The following SYNE2 variants were observed in gnomAD, a reference collection of about 807,000 sequenced individuals.
The protein encoded by SYNE2 is spectrin repeat containing nuclear envelope protein 2.
In SYNE2, 431 loss-of-function variants were observed where a neutral mutation model predicts 856.3. The ratio of observed to expected loss-of-function variants is 0.50; its 90% CI spans 0.47 to 0.55. The LOEUF (loss-of-function observed/expected upper bound fraction) is 0.55, where lower values mean the gene tolerates loss of function less well. Among genes scored for constraint, SYNE2 ranks in the 20% least tolerant of loss-of-function variants. The pLI is 0.00. For synonymous variants in SYNE2, 2,923 were observed against 2,872.3 expected (o/e 1.02, Z -0.56); for missense variants, 8,129 against 8,023.2 (o/e 1.01, Z -0.50).
chr14:64,012,874 T>C (rs2096857604), intron 32 of SYNE2, among the ~76,000 whole-genome samples: 1 of 152,266 alleles, frequency 6.6e-6, no homozygotes, highest in African/African-American at 2.4e-5. Flanking sequence ...TCCATTTCTG[T>C]AGCATGGATC....
At chr14:64,124,774 AG>A (rs1321273359) in intron 70 of SYNE2, among the ~76,000 whole-genome samples, 9 of 152,124 alleles carry the variant, frequency 5.9e-5, no homozygotes, top group African/African-American at 2.2e-4. Flanking sequence ...AGGCTGAGGC[AG>A]GTGGATCACC....
At chr14:63,791,348 C>T (rs1390540853) in intron 1 of SYNE2, among the ~76,000 whole-genome samples, 1 of 152,136 alleles carries the variant, frequency 6.6e-6, no homozygotes, top group Non-Finnish European at 1.5e-5. Context: ...GCAAATGTAA[C>T]AACATTTCCT....
Position 64,214,431 on chromosome 14 carries a change from G to A in SYNE2, c.19294G>A (p.Glu6432Lys), listed in dbSNP as rs776342676. Residue 6432 changes from glutamate (E) to lysine (K), a missense_variant, in exon 106 of 116, where the codon GAA (glutamate) becomes AAA (lysine). Transcript: ENST00000555002. ...TGDVGGSSSHEEDEEGPYYSA... is the reference protein window; with the variant it reads ...TGDVGGSSSHKEDEEGPYYSA... ...CGACGTGGGGGGCTCCTCCTCTCAC[G>A]AAGAGGACGAGGAGGGCCCATACTA... 41 of 1,613,858 alleles carry A rather than the reference G, an allele frequency of 2.5e-5. No individual in the cohort carries two copies. Among genetic ancestry groups the A allele is most frequent in the South Asian group, 5.5e-5 (5 of 91,090 alleles).
chr14:63,997,323 A>C lies in SYNE2; in HGVS notation c.3175A>C (p.Asn1059His), dbSNP rs759983958. 5.0e-6 allele frequency: 8 copies of C among 1,613,502 alleles called. No homozygotes were observed. The African/African-American group carries it at 9.3e-5, about 19-fold the overall frequency. ...TAGGGGGACCATCACCACATCTGAG[A>C]ATAGAGGAGGGGATCCCCACAGTGA... ...KNEGTITTSENRGGDPHSEAP... is the reference protein window; with the variant it reads ...KNEGTITTSEHRGGDPHSEAP... Residue 1059 changes from asparagine to histidine, a missense_variant, in exon 25 of 116, where the codon AAT (asparagine) becomes CAT (histidine). Coordinates refer to ENST00000555002, the MANE Select transcript of SYNE2 (RefSeq NM_182914.3).
chr14:64,129,895 A>G lies in SYNE2; in HGVS notation c.14133A>G (p.Lys4711=), dbSNP rs767268154. Residue 4711 remains lysine, a synonymous_variant, in exon 75 of 116, where the codon AAA becomes AAG. Transcript: ENST00000555002. ...ATGCTTTACTCCAGGAGGTTTACAA[A>G]TTAGAGGTATGCCTGAGCAGAAAAC... ...LPYALLQEVY[K]LEDVLDSMWG... The G allele has an allele frequency of 1.4e-5, 23 of 1,614,024 alleles. No homozygotes were observed. The Admixed American group carries it at 3.7e-4, about 26-fold the overall frequency.
At chr14:64,193,409 G>T (rs193000525) in intron 99 of SYNE2, among the ~76,000 whole-genome samples, 2 of 152,232 alleles carry the variant, frequency 1.3e-5, no homozygotes, top group Admixed American at 1.3e-4. Context: ...AACTACCTGG[G>T]CGTGGTGGTG....
intron 16 of SYNE2, 103 bp downstream of exon 16, chr14:63,981,276 C>T: frequency 9.6e-7 from 1 of 1,037,422 alleles, no homozygotes; most frequent in South Asian, 1.4e-5. Flanking sequence ...AAGAGTACAC[C>T]AGTGTTTTGG....
In SYNE2 at chr14:64,143,126, A is replaced by G. The variant is rs576072692; in HGVS notation, c.15307-646A>G. On this transcript the variant is annotated intron_variant, in intron 82 of 115. Transcript: ENST00000555002. ...ACACGTGTATATTCTCACAGGCTCT[A>G]GCAACCTAGCACATACCACATGACT... Among the ~76,000 whole-genome samples, 4 of 152,336 alleles carry G rather than the reference A, an allele frequency of 2.6e-5. No individual in the cohort carries two copies. The South Asian group carries it at 8.3e-4, about 32-fold the overall frequency.
rs551156614 is a variant in SYNE2 at position 63,869,853 on chromosome 14, C to G, written c.-52+16710C>G. ...ATATCCAATTTATCCCATACCTTCTCCTCCTGTATTTTCTCTCTCTCAAGT... is the reference window on the plus strand; with the variant it reads ...ATATCCAATTTATCCCATACCTTCTGCTCCTGTATTTTCTCTCTCTCAAGT... On this transcript the variant is annotated intron_variant, in intron 1 of 115. Coordinates refer to ENST00000555002, the MANE Select transcript of SYNE2 (RefSeq NM_182914.3). Among the ~76,000 whole-genome samples, 38 of 152,210 alleles carry G rather than the reference C, an allele frequency of 2.5e-4. 1 individual carries two copies. The South Asian group carries it at 7.9e-3, about 32-fold the overall frequency.
chr14:63,982,778 T>C lies in SYNE2; in HGVS notation c.1985T>C (p.Val662Ala). 1 of 1,614,048 alleles carries C rather than the reference T, an allele frequency of 6.2e-7. No individual in the cohort carries two copies. Among genetic ancestry groups the C allele is most frequent in the Non-Finnish European group, 8.5e-7 (1 of 1,179,956 alleles). ...CTGAATAAAAGATGGAGAAAGTTGGTTTCAAAAACTCAACTTGTAAGTTCT... is the reference window on the plus strand; with the variant it reads ...CTGAATAAAAGATGGAGAAAGTTGGCTTCAAAAACTCAACTTGTAAGTTCT... ...RRLNKRWRKL[V>A]SKTQLEMNLP... Residue 662 changes from valine (V) to alanine (A), a missense_variant, in exon 17 of 116, where the codon GTT becomes GCT. By Grantham distance (64) the Val-to-Ala change is moderately conservative (BLOSUM62 0). Around this residue, in one of 3 missense-constraint regions of SYNE2, gnomAD observed 2,422 missense variants for 2,357.4 expected, o/e 1.03. Transcript: ENST00000555002.
chr14:64,134,128 A>AT lies in SYNE2; in HGVS notation c.14575dup (p.Ser4859PhefsTer55). On this transcript the variant is annotated frameshift_variant, in exon 78 of 116. Transcript: ENST00000555002. LOFTEE classifies it high-confidence loss of function. ...TTGAAAAGGACCTGGAAATTCTTAT[A>AT]TCTACATTGCCCTCTGTGAGTTTGG... is the stretch of plus-strand genomic sequence containing the variant. 1 of 1,614,004 alleles carries AT rather than the reference A, an allele frequency of 6.2e-7. No homozygotes were observed. The highest frequency in any genetic ancestry group is 1.1e-5 in the South Asian group (1 of 91,082).
At chr14:64,124,989 C>A in intron 70 of SYNE2, 90 bp from the exon 71 acceptor site, 1 of 1,537,082 alleles carries the variant, frequency 6.5e-7, no homozygotes, top group Admixed American at 1.8e-5. Flanking sequence ...GGCGACAGAG[C>A]AAGACTCCAT....
intron 1 of SYNE2, among the ~76,000 whole-genome samples, chr14:63,890,032 G>A (rs2095091808): frequency 1.3e-5 from 2 of 150,366 alleles, no homozygotes; most frequent in African/African-American, 2.4e-5. Context: ...TGGAGTGGTT[G>A]GGTCTTGTCT....
intron 1 of SYNE2, among the ~76,000 whole-genome samples, chr14:63,792,136 A>T (rs1043037331): frequency 6.6e-6 from 1 of 152,202 alleles, no homozygotes; most frequent in South Asian, 2.1e-4. Context: ...TTAAATGTAC[A>T]TGAATTAAAC....
Position 64,212,038 on chromosome 14 carries a change from G to T in SYNE2, c.18801G>T (p.Gln6267His). The T allele has an allele frequency of 6.2e-7, 1 of 1,614,198 alleles. No homozygotes were observed. Among genetic ancestry groups the T allele is most frequent in the Non-Finnish European group, 8.5e-7 (1 of 1,180,034 alleles). Residue 6267 changes from glutamine to histidine, a missense_variant, in exon 104 of 116, where the codon CAG (glutamine) becomes CAT (histidine). Coordinates refer to ENST00000555002, the MANE Select transcript of SYNE2 (RefSeq NM_182914.3). ...TGTGGCTCACAGAGATGGACCTGCAGCTGACCAACGTGGAGCACTTCTCAG... is the reference window on the plus strand; with the variant it reads ...TGTGGCTCACAGAGATGGACCTGCATCTGACCAACGTGGAGCACTTCTCAG... ...ILVWLTEMDL[Q>H]LTNVEHFSES...
intron 95 of SYNE2, 66 bp from the exon 96 acceptor site, chr14:64,177,292 A>C: frequency 6.3e-7 from 1 of 1,578,186 alleles, no homozygotes; most frequent in Non-Finnish European, 8.7e-7. Context: ...TAAATGAGCT[A>C]TTCTATTTCT....
chr14:64,161,356 AAAGT>A (rs1416272705), intron 87 of SYNE2, among the ~76,000 whole-genome samples: 1 of 152,090 alleles, frequency 6.6e-6, no homozygotes, highest in African/African-American at 2.4e-5. Flanking sequence ...AAAAAAAAAA[AAAGT>A]AGGGAAGAAA....
intron 66 of SYNE2, among the ~76,000 whole-genome samples, chr14:64,115,793 T>C (rs2097849642): frequency 6.6e-6 from 1 of 152,064 alleles, no homozygotes; most frequent in African/African-American, 2.4e-5. Flanking sequence ...ATAAAAACCT[T>C]AAAGTGGTCT....
intron 1 of SYNE2, among the ~76,000 whole-genome samples, chr14:63,844,195 C>G (rs1345640288): frequency 6.6e-6 from 1 of 152,180 alleles, no homozygotes; most frequent in African/African-American, 2.4e-5. Context: ...CCTCCATCCC[C>G]CCAATCCTGA....
Sources: gnomAD v4.1 joint callset for allele counts (sites outside exome capture counted in the v4.1 genomes callset) on GRCh38, gnomAD v4.1.1 for gene constraint, gnomAD v4.1.1 regional missense constraint, MANE v1.5 for transcripts, NCBI Gene and HGNC (gene_info 2026-07-23, HGNC 2026-07-21) for gene names.